The following APOBR variants were observed in gnomAD, a reference collection of about 807,000 sequenced individuals.
APOBR encodes apolipoprotein B receptor.
In APOBR, 57 loss-of-function variants were observed where a neutral mutation model predicts 88.5. The observed-to-expected ratio is 0.64, with a 90% confidence interval of 0.52 to 0.80. APOBR has a LOEUF of 0.80. APOBR is among the 30% of genes least tolerant of loss of function. APOBR has a pLI of 0.00. For synonymous variants in APOBR, 588 were observed against 572.7 expected (o/e 1.03, Z -0.38); for missense variants, 1,443 against 1,401.6 (o/e 1.03, Z -0.47).
chr16:28,496,575 G>A lies in APOBR; in HGVS notation c.1534G>A (p.Gly512Arg). 1 of 1,565,452 alleles carries A rather than the reference G, an allele frequency of 6.4e-7. No individual in the cohort carries two copies. The highest frequency in any genetic ancestry group is 8.7e-7 in the Non-Finnish European group (1 of 1,155,492). ...RDPVAELPSD[G>R]EAEGTADLEA... ...TCCAGTGGCTGAGCTGCCCTCAGAT[G>A]GAGAGGCTGAAGGCACTGCCGACTT... Residue 512 changes from glycine (G) to arginine (R), a missense_variant, in exon 2 of 4, where the codon GGA becomes AGA. By Grantham distance (125) the Gly-to-Arg change is moderately radical (BLOSUM62 -2). Coordinates refer to ENST00000564831, the MANE Select transcript of APOBR (RefSeq NM_018690.4).
Position 28,496,624 on chromosome 16 carries a change from C to T in APOBR, c.1583C>T (p.Pro528Leu). ...TTGGAGGCAACTCCAGAGGCCAGGCCTGAGGAGGAGCTCACAGGGGAGGAG... is the reference window on the plus strand; with the variant it reads ...TTGGAGGCAACTCCAGAGGCCAGGCTTGAGGAGGAGCTCACAGGGGAGGAG... ...ADLEATPEAR[P>L]EEELTGEESE... is the part of the protein sequence containing the mutation. The change falls in exon 2 of 4, where the codon CCT becomes CTT. Residue 528 changes from proline (P) to leucine (L), a missense_variant. Pro to Leu is a moderately conservative substitution (Grantham distance 98). Coordinates refer to ENST00000564831, the MANE Select transcript of APOBR (RefSeq NM_018690.4). 1 of 1,590,042 alleles carries T rather than the reference C, an allele frequency of 6.3e-7. No individual in the cohort carries two copies. Among genetic ancestry groups the T allele is most frequent in the Non-Finnish European group, 8.6e-7 (1 of 1,166,938 alleles).
rs745906091 is a variant in APOBR at position 28,496,198 on chromosome 16, TCAGA to T, written c.1166_1169del (p.Thr389AsnfsTer11). The T allele has an allele frequency of 4.0e-5, 63 of 1,574,966 alleles. 1 individual carries two copies. The South Asian group carries it at 4.7e-4, about 12-fold the overall frequency. On this transcript the variant is annotated frameshift_variant, in exon 2 of 4. Transcript: ENST00000564831. LOFTEE classifies it high-confidence loss of function. ...AAAGAGGAGGCTGACCTGCTGGGAG[TCAGA>T]CAGACAGAATATGGAGCAGTCCCAG...
chr16:28,496,063 CA>C lies in APOBR; in HGVS notation c.1023del (p.Gly342AlafsTer59). ...GGAGGGGAGGAGGCCGGGATAGCCTCAGGCGGGGAGGCTGGGACAGCCTCAG... is the reference window on the plus strand; with the variant it reads ...GGAGGGGAGGAGGCCGGGATAGCCTCGGCGGGGAGGCTGGGACAGCCTCAG... ...ASGGEEAGIA[S>X]GGEAGTASGG... is the part of the protein sequence containing the mutation. On this transcript the variant is annotated frameshift_variant, in exon 2 of 4. Transcript: ENST00000564831. LOFTEE classifies it high-confidence loss of function. The C allele has an allele frequency of 1.3e-6, 2 of 1,550,266 alleles. No homozygotes were observed. Among genetic ancestry groups the C allele is most frequent in the South Asian group, 1.2e-5 (1 of 81,992 alleles).
At position 28,497,282 on chromosome 16, in the gene APOBR, G is replaced by A. The variant is rs1344965054; in HGVS notation, c.2241G>A (p.Val747=). 3 of 1,591,994 alleles carry A rather than the reference G, an allele frequency of 1.9e-6. No homozygotes were observed. The highest frequency in any genetic ancestry group is 2.3e-5 in the South Asian group (2 of 88,140). Reference sequence around the variant, plus strand: ...GCTGGAGGCTGCAAGCGGTGGCTGTGGGCCTCCCGGACCGTGAGGATGCAC... The same window carrying A: ...GCTGGAGGCTGCAAGCGGTGGCTGTAGGCCTCCCGGACCGTGAGGATGCAC... ...RRGWRLQAVA[V]GLPDREDAQT... Residue 747 remains valine, a synonymous_variant, in exon 2 of 4, where the codon GTG becomes GTA. Transcript: ENST00000564831.
In APOBR at chr16:28,496,130, C is replaced by T. The variant is rs140959317; in HGVS notation, c.1089C>T (p.Ala363=). 6.2e-4 allele frequency: 945 copies of T among 1,529,372 alleles called. 8 individuals are homozygous for T. In the African/African-American group the frequency reaches 0.011, roughly 18 times the overall value. The allele number at this position is 1,529,372 out of a possible 1,614,324, so 94.7% of individuals were successfully genotyped here. ...EAGTASGGEE[A]GTASGGDEAW... is the part of the protein sequence containing the mutation. Reference sequence around the variant, plus strand: ...GGACAGCCTCAGGAGGGGAGGAGGCCGGGACAGCCTCAGGAGGGGACGAGG... The same window carrying T: ...GGACAGCCTCAGGAGGGGAGGAGGCTGGGACAGCCTCAGGAGGGGACGAGG... Residue 363 remains alanine (A), a synonymous_variant, in exon 2 of 4, where the codon GCC becomes GCT. Transcript: ENST00000564831.
rs528796656 is a variant in APOBR at position 28,494,728 on chromosome 16, G to C, written c.47G>C (p.Arg16Thr). The change falls in exon 1 of 4, where the codon AGG (arginine) becomes ACG (threonine). Residue 16 changes from arginine (R) to threonine (T), a missense_variant. By Grantham distance (71) the Arg-to-Thr change is moderately conservative. Transcript: ENST00000564831. ...CTCCCTGGGCTGCACCAGGCCTTGA[G>C]GGGGGCACTGGTGAGAAGGGCAGAC... is the stretch of plus-strand genomic sequence containing the variant. ...LYLPGLHQALRGALDSLGTFV... is the reference protein window; with the variant it reads ...LYLPGLHQALTGALDSLGTFV... 15 of 1,610,974 alleles carry C rather than the reference G, an allele frequency of 9.3e-6. No homozygotes were observed. In the Admixed American group the frequency reaches 1.7e-4, roughly 18 times the overall value.
chr16:28,497,901 G>A lies in APOBR; in HGVS notation c.2860G>A (p.Ala954Thr), dbSNP rs1014595475. Residue 954 changes from alanine to threonine, a missense_variant, in exon 2 of 4, where the codon GCC becomes ACC. Transcript: ENST00000564831. ...CCAGGAGGAGCAGCCAACACACCAG[G>A]CCCCTGCAGAAGCTGCGCCGGAGTC... The part of the protein sequence containing the change: ...RGQEEQPTHQ[A>T]PAEAAPESVG... The A allele has an allele frequency of 1.9e-6, 3 of 1,613,600 alleles. No homozygotes were observed. Among genetic ancestry groups the A allele is most frequent in the Non-Finnish European group, 2.5e-6 (3 of 1,179,746 alleles).
At position 28,495,759 on chromosome 16, in the gene APOBR, G is replaced by A. The variant is rs2046385667; in HGVS notation, c.718G>A (p.Gly240Arg). ...AGATGCAGGGGAAACTGAGGAGCCT[G>A]GGGCCGAAGGGGCTGGGAAAGGAGA... ...EADAGETEEP[G>R]AEGAGKGEEV... Residue 240 changes from glycine (G) to arginine (R), a missense_variant, in exon 2 of 4, where the codon GGG becomes AGG. Transcript: ENST00000564831. 6.4e-7 allele frequency: 1 copy of A among 1,555,944 alleles called. No homozygotes were observed. The highest frequency in any genetic ancestry group is 1.2e-5 in the South Asian group (1 of 83,996).
In APOBR at chr16:28,495,573, CAGG is replaced by C. The variant is rs752999394; in HGVS notation, c.546_548del (p.Glu184del). On this transcript the variant is annotated inframe_deletion, in exon 2 of 4. Transcript: ENST00000564831. ...AGAAGAGAGGCTGAGAAGCTGGGAA[CAGG>C]AGGAGGAGGAGGAAGAGGTCAGGGC... is the stretch of plus-strand genomic sequence containing the variant. The C allele has an allele frequency of 2.1e-5, 31 of 1,490,042 alleles. No homozygotes were observed. The highest frequency in any genetic ancestry group is 8.2e-5 in the Admixed American group (4 of 48,830). 92.3% of individuals were successfully genotyped at this position (1,490,042 alleles called of 1,614,324 possible).
At position 28,498,488 on chromosome 16, in the gene APOBR, C is replaced by G; in HGVS notation, c.3277C>G (p.Arg1093Gly). ...MMQELQARLG[R>G]PKPQ ...GCAGGAGCTGCAAGCCCGTCTGGGC[C>G]GGCCTAAGCCCCAGTGACTGAGACC... is the stretch of plus-strand genomic sequence containing the variant. Residue 1093 changes from arginine (R) to glycine (G), a missense_variant, in exon 4 of 4, where the codon CGG becomes GGG. Physicochemically the swap from Arg to Gly is moderately radical, Grantham distance 125. Transcript: ENST00000564831. 6.3e-7 allele frequency: 1 copy of G among 1,599,452 alleles called. No individual in the cohort carries two copies. Among genetic ancestry groups the G allele is most frequent in the Non-Finnish European group, 8.5e-7 (1 of 1,173,610 alleles).
In APOBR at chr16:28,495,567, T is replaced by TGGGAAC; in HGVS notation, c.527_532dup (p.Glu177_Gln178insArgGlu). On this transcript the variant is annotated inframe_insertion, in exon 2 of 4. Transcript: ENST00000564831. ...GAACAGAGAAGAGAGGCTGAGAAGC[T>TGGGAAC]GGGAACAGGAGGAGGAGGAGGAAGA... 1 of 1,564,340 alleles carries TGGGAAC rather than the reference T, an allele frequency of 6.4e-7. No homozygotes were observed. Among genetic ancestry groups the TGGGAAC allele is most frequent in the Non-Finnish European group, 8.7e-7 (1 of 1,154,528 alleles).
rs769169154 is a variant in APOBR, at chr16:28,497,952, G to T, written c.2911G>T (p.Ala971Ser). ...ESVGEAETAE[A>S]MGSARGGAAN... ...AGTCGGGGAAGCCGAGACGGCTGAGGCCATGGGCAGTGCCAGAGGAGGTGC... is the reference window on the plus strand; with the variant it reads ...AGTCGGGGAAGCCGAGACGGCTGAGTCCATGGGCAGTGCCAGAGGAGGTGC... Residue 971 changes from alanine (A) to serine (S), a missense_variant, in exon 2 of 4, where the codon GCC becomes TCC. Transcript: ENST00000564831. 1.9e-6 allele frequency: 3 copies of T among 1,611,994 alleles called. No homozygotes were observed. The African/African-American group carries it at 4.0e-5, about 22-fold the overall frequency.
Position 28,497,477 on chromosome 16 carries a change from G to C in APOBR, c.2436G>C (p.Glu812Asp), listed in dbSNP as rs1453833169. The change falls in exon 2 of 4, where the codon GAG becomes GAC. Residue 812 changes from glutamate (E) to aspartate (D), a missense_variant. Glu to Asp is a conservative substitution (Grantham distance 45, BLOSUM62 2). Coordinates refer to ENST00000564831, the MANE Select transcript of APOBR (RefSeq NM_018690.4). ...CAGGTGGGCAAGAATTTGGTCTGGA[G>C]GGCTCAGCAGAGGAAGAGGTGACTG... ...EHAGGQEFGLEGSAEEEVTGR... is the reference protein window; with the variant it reads ...EHAGGQEFGLDGSAEEEVTGR... 6.2e-7 allele frequency: 1 copy of C among 1,613,870 alleles called. No individual in the cohort carries two copies. The highest frequency in any genetic ancestry group is 1.1e-5 in the South Asian group (1 of 91,088).
chr16:28,497,111 TGAG>T lies in APOBR; in HGVS notation c.2075_2077del (p.Glu692del). The T allele has an allele frequency of 6.2e-7, 1 of 1,604,236 alleles. No homozygotes were observed. The highest frequency in any genetic ancestry group is 8.5e-7 in the Non-Finnish European group (1 of 1,175,768). On this transcript the variant is annotated inframe_deletion, in exon 2 of 4. Coordinates refer to ENST00000564831, the MANE Select transcript of APOBR (RefSeq NM_018690.4). ...CAACCCAGGACGCGGGATGTGGAAC[TGAG>T]GAGGGAGAGGCATCTGTCTCAGAGA...
rs1418157220 is a variant in APOBR, at chr16:28,497,448, C to G, written c.2407C>G (p.His803Asp). The change falls in exon 2 of 4, where the codon CAT becomes GAT. Residue 803 changes from histidine to aspartate, a missense_variant. His to Asp is a moderately conservative substitution (Grantham distance 81). Coordinates refer to ENST00000564831, the MANE Select transcript of APOBR (RefSeq NM_018690.4). Reference sequence around the variant, plus strand: ...AAAGGAAGAGGCAGCAGCAGGAGAGCATGCAGGTGGGCAAGAATTTGGTCT... The same window carrying G: ...AAAGGAAGAGGCAGCAGCAGGAGAGGATGCAGGTGGGCAAGAATTTGGTCT... ...KEKEEAAAGE[H>D]AGGQEFGLEG... 6 of 1,613,760 alleles carry G rather than the reference C, an allele frequency of 3.7e-6. No homozygotes were observed. The Admixed American group carries it at 1.0e-4, about 27-fold the overall frequency.
Position 28,495,484 on chromosome 16 carries a change from C to T in APOBR, c.443C>T (p.Ala148Val), listed in dbSNP as rs769290980. 1.3e-6 allele frequency: 2 copies of T among 1,565,724 alleles called. No individual in the cohort carries two copies. The highest frequency in any genetic ancestry group is 2.4e-5 in the East Asian group (1 of 42,158). Residue 148 changes from alanine (A) to valine (V), a missense_variant, in exon 2 of 4, where the codon GCT becomes GTT. By Grantham distance (64) the Ala-to-Val change is moderately conservative. Transcript: ENST00000564831. ...AAGAAATCCAAGGCAGGGTCTGGGG[C>T]TTGCCAAGACAGGAGCGGCCAAGCC... ...ARKKSKAGSG[A>V]CQDRSGQAQE... is the part of the protein sequence containing the mutation.
At position 28,496,741 on chromosome 16, in the gene APOBR, T is replaced by TG. The variant is rs764945142; in HGVS notation, c.1706dup (p.Ala570ArgfsTer6). On this transcript the variant is annotated frameshift_variant, in exon 2 of 4. Transcript: ENST00000564831. LOFTEE classifies it high-confidence loss of function. ...ACCAAAGGCCAAGGACCTGAGCTGATGGGGGGCGCCCAGACCCCAACTAAG... is the reference window on the plus strand; with the variant it reads ...ACCAAAGGCCAAGGACCTGAGCTGATGGGGGGGCGCCCAGACCCCAACTAAG... 3.8e-6 allele frequency: 6 copies of TG among 1,591,386 alleles called. No homozygotes were observed. Among genetic ancestry groups the TG allele is most frequent in the East Asian group, 2.3e-5 (1 of 44,018 alleles).
At position 28,495,891 on chromosome 16, in the gene APOBR, A is replaced by C; in HGVS notation, c.850A>C (p.Arg284=). The C allele has an allele frequency of 6.2e-7, 1 of 1,611,780 alleles. No homozygotes were observed. The highest frequency in any genetic ancestry group is 1.1e-5 in the South Asian group (1 of 90,578). The change falls in exon 2 of 4, where the codon AGG becomes CGG. Residue 284 remains arginine, a synonymous_variant. Coordinates refer to ENST00000564831, the MANE Select transcript of APOBR (RefSeq NM_018690.4). ...GGGAATCTTAGGCAGAGAGGAGGCC[A>C]GGACAACCCCAGGTAGGGAAGAGGC... is the stretch of plus-strand genomic sequence containing the variant. The part of the protein sequence containing the change: ...DWGILGREEA[R]TTPGREEARA...
At position 28,496,414 on chromosome 16, in the gene APOBR, G is replaced by A; in HGVS notation, c.1373G>A (p.Ser458Asn). ...EAVGGQEAGE[S>N]FEGQVDLRGK... ...GTGGGAGGCCAGGAGGCAGGGGAGA[G>A]CTTTGAGGGCCAGGTAGACCTGCGT... The change falls in exon 2 of 4, where the codon AGC (serine) becomes AAC (asparagine). Residue 458 changes from serine (S) to asparagine (N), a missense_variant. Physicochemically the swap from Ser to Asn is conservative, Grantham distance 46. Transcript: ENST00000564831. The A allele has an allele frequency of 1.2e-6, 2 of 1,611,842 alleles. No individual in the cohort carries two copies. Among genetic ancestry groups the A allele is most frequent in the Non-Finnish European group, 8.5e-7 (1 of 1,178,958 alleles).
Sources: gnomAD v4.1 joint callset for allele counts on GRCh38, gnomAD v4.1.1 for gene constraint, MANE v1.5 for transcripts, NCBI Gene and HGNC (gene_info 2026-07-23, HGNC 2026-07-21) for gene names.